Variants in RBFOX1 observed in about 807,000 individuals in gnomAD.
RBFOX1 encodes the protein RNA binding protein fox-1 homolog 1.
Under a neutral mutation model 57.7 loss-of-function variants are expected in RBFOX1, and 8 were observed. The ratio of observed to expected loss-of-function variants is 0.14; its 90% CI spans 0.08 to 0.25. RBFOX1 has a LOEUF of 0.25. RBFOX1 is among the 10% of genes least tolerant of loss of function. The pLI, the probability that RBFOX1 is intolerant of heterozygous loss-of-function variation, is 1.00. For synonymous variants in RBFOX1, 326 were observed against 222.4 expected (o/e 1.47, Z -4.15); for missense variants, 611 against 548.5 (o/e 1.11, Z -1.14).
At chr16:6,901,912 T>G (rs1596628267) in intron 3 of RBFOX1, among the ~76,000 whole-genome samples, 1 of 152,236 alleles carries the variant, frequency 6.6e-6, no homozygotes. Flanking sequence ...ATTTGCCATC[T>G]GGCTTTTAAG....
intron 2 of RBFOX1, among the ~76,000 whole-genome samples, chr16:6,596,535 T>G (rs190965213): frequency 8.1e-4 from 117 of 144,444 alleles, no homozygotes; most frequent in African/African-American, 3.0e-3. Context: ...CTGGCATTTT[T>G]AGTTTCTGCA....
intron 4 of RBFOX1, among the ~76,000 whole-genome samples, chr16:7,105,461 C>CT (rs2063412276): frequency 1.3e-5 from 2 of 152,070 alleles, no homozygotes; most frequent in South Asian, 4.1e-4. Flanking sequence ...AATTTGTAGT[C>CT]TTTTATCCCT....
chr16:6,117,176 C>G lies in RBFOX1; in HGVS notation c.-127+97184C>G, dbSNP rs74004773. ...GCCAGACCCAAATGAACGGGATTCC[C>G]TGTGAAAAGGGTGAGAGTTCAGGGG... On this transcript the variant is annotated intron_variant, in intron 1 of 15. Transcript: ENST00000550418. 2.1e-3 allele frequency among the ~76,000 whole-genome samples: 316 copies of G among 152,130 alleles called. 6 individuals are homozygous for G. The highest frequency in any genetic ancestry group is 6.7e-3 in the African/African-American group (280 of 41,500).
chr16:6,890,923 A>G (rs997498692), intron 3 of RBFOX1, among the ~76,000 whole-genome samples: 2 of 152,174 alleles, frequency 1.3e-5, no homozygotes, highest in African/African-American at 4.8e-5. Context: ...AAACTTGAAC[A>G]GACTCTTGCT....
At chr16:5,322,928 A>ACTTCTTT (rs1159228880) in intron 1 of RBFOX1, among the ~76,000 whole-genome samples, 2 of 152,074 alleles carry the variant, frequency 1.3e-5, no homozygotes, top group Non-Finnish European at 2.9e-5. Flanking sequence ...TGTCTCCAGA[A>ACTTCTTT]CTTCTTTTGT....
intron 2 of RBFOX1, among the ~76,000 whole-genome samples, chr16:6,508,088 T>C (rs1012412040): frequency 5.1e-4 from 77 of 152,290 alleles, no homozygotes; most frequent in Admixed American, 3.1e-3. Flanking sequence ...CTGGAGGTCA[T>C]TATCCTTAGC....
chr16:6,340,394 C>T (rs186533583), intron 2 of RBFOX1, among the ~76,000 whole-genome samples: 1 of 152,170 alleles, frequency 6.6e-6, no homozygotes, highest in African/African-American at 2.4e-5. Flanking sequence ...TAGGGCAAAT[C>T]CACAGAGTAA....
chr16:6,686,424 C>T (rs566206162), intron 3 of RBFOX1, among the ~76,000 whole-genome samples: 5 of 152,290 alleles, frequency 3.3e-5, no homozygotes, highest in East Asian at 1.9e-4. Context: ...AACTGCTATG[C>T]GCAGGCCTCC....
intron 1 of RBFOX1, among the ~76,000 whole-genome samples, chr16:6,299,564 C>G (rs981447583): frequency 2.0e-5 from 3 of 152,084 alleles, no homozygotes; most frequent in Non-Finnish European, 2.9e-5. Context: ...TCCCAAGACC[C>G]CAGCGTCATC....
intron 4 of RBFOX1, among the ~76,000 whole-genome samples, chr16:7,143,016 A>G (rs1053823845): frequency 6.6e-6 from 1 of 151,668 alleles, no homozygotes; most frequent in Non-Finnish European, 1.5e-5. Flanking sequence ...AGAGTGCTTT[A>G]GGAGAGGTAA....
chr16:6,266,287 A>G (rs996223507), intron 1 of RBFOX1, among the ~76,000 whole-genome samples: 3 of 152,214 alleles, frequency 2.0e-5, no homozygotes, highest in Non-Finnish European at 2.9e-5. Flanking sequence ...GCAAGCTACC[A>G]AAAGTCTGAG....
At chr16:7,209,459 G>C (rs1033100679) in intron 4 of RBFOX1, among the ~76,000 whole-genome samples, 1 of 152,124 alleles carries the variant, frequency 6.6e-6, no homozygotes, top group Non-Finnish European at 1.5e-5. Flanking sequence ...GCTATCATTT[G>C]GATAATAACC....
rs1478130249 is a variant in RBFOX1 at position 6,487,739 on chromosome 16, ATATATATATAT to A, written c.-63-166863_-63-166853del. Among the ~76,000 whole-genome samples the A allele has an allele frequency of 3.1e-3, 230 of 74,920 alleles. 12 individuals carry two copies. Among genetic ancestry groups the A allele is most frequent in the South Asian group, 7.2e-3 (16 of 2,210 alleles). The allele number at this position is 74,920 out of a possible 152,430, so 49.2% of individuals were successfully genotyped here. A position where few individuals can be genotyped will look rare whatever the true frequency, so the allele number is the denominator to read the frequency against. On this transcript the variant is annotated intron_variant, in intron 2 of 15. Transcript: ENST00000550418. The stretch of plus-strand genomic sequence containing the variant: ...TATATATATATATATATATATATAT[ATATATATATAT>A]ATATAAAATATTATGCAGTGATGGG...
intron 2 of RBFOX1, among the ~76,000 whole-genome samples, chr16:5,532,656 G>C (rs1392893310): frequency 6.6e-6 from 1 of 152,236 alleles, no homozygotes; most frequent in Non-Finnish European, 1.5e-5. Flanking sequence ...GATTCTAGCA[G>C]TTAACCACAT....
At chr16:6,187,543 G>A (rs2097112927) in intron 1 of RBFOX1, among the ~76,000 whole-genome samples, 2 of 152,182 alleles carry the variant, frequency 1.3e-5, no homozygotes, top group Non-Finnish European at 2.9e-5. Flanking sequence ...CAAGTATTGT[G>A]TAAGGTGTCT....
chr16:6,429,846 T>A (rs2094027802), intron 2 of RBFOX1, among the ~76,000 whole-genome samples: 1 of 152,170 alleles, frequency 6.6e-6, no homozygotes, highest in African/African-American at 2.4e-5. Flanking sequence ...TGGTGGCTCA[T>A]ACCTGTAATC....
intron 1 of RBFOX1, among the ~76,000 whole-genome samples, chr16:6,283,241 C>T (rs1220453273): frequency 2.6e-5 from 4 of 152,070 alleles, no homozygotes; most frequent in South Asian, 2.1e-4. Context: ...GTGGGAGGAT[C>T]GCTTGAACCC....
Position 6,903,480 on chromosome 16 carries a change from T to C in RBFOX1, c.-15-148577T>C, listed in dbSNP as rs1292955736. On this transcript the variant is annotated intron_variant, in intron 3 of 15. Transcript: ENST00000550418. ...TGTCTTTGAATTCTCTAGTGTCTAG[T>C]GTTCAGCAAGTGCTGGTAAAATAAA... 2.0e-5 allele frequency among the ~76,000 whole-genome samples: 3 copies of C among 152,302 alleles called. No individual in the cohort carries two copies. In the East Asian group the frequency reaches 5.8e-4, roughly 29 times the overall value.
intron 1 of RBFOX1, among the ~76,000 whole-genome samples, chr16:6,137,020 C>T (rs529487518): frequency 4.8e-4 from 73 of 152,294 alleles, no homozygotes; most frequent in African/African-American, 1.5e-3. Flanking sequence ...TGGAAACTCC[C>T]AACTTGCTTT....
Sources: allele counts gnomAD v4.1 joint callset (sites outside exome capture counted in the v4.1 genomes callset), GRCh38; gene constraint gnomAD v4.1.1; transcripts MANE v1.5; gene names NCBI Gene and HGNC (gene_info 2026-07-23, HGNC 2026-07-21).